Variants in CMIP observed in about 807,000 individuals in gnomAD.
The protein encoded by CMIP is c-Maf inducing protein.
In CMIP, 13 loss-of-function variants were observed where a neutral mutation model predicts 97.3. The observed-to-expected ratio is 0.13, with a 90% CI of 0.09 to 0.21. The LOEUF is 0.21. CMIP is among the 10% of genes least tolerant of loss of function. CMIP has a pLI of 1.00. For missense variants in CMIP, 847 were observed against 1,024.9 expected (o/e 0.83, Z 2.37); for synonymous variants, 538 against 436.3 (o/e 1.23, Z -2.91).
intron 2 of CMIP, 43 bp downstream of exon 2, chr16:81,607,735 C>T (rs762394750): frequency 6.2e-7 from 1 of 1,601,028 alleles, no homozygotes; most frequent in Non-Finnish European, 8.6e-7. Flanking sequence ...TCTCCCTCAT[C>T]TTCATGCACT....
At chr16:81,448,124 C>T (rs1214630473) in intron 1 of CMIP, among the ~76,000 whole-genome samples, 1 of 152,234 alleles carries the variant, frequency 6.6e-6, no homozygotes, top group East Asian at 1.9e-4. Context: ...TGGCCCAGCC[C>T]TGAGCTCCCG....
chr16:81,695,339 C>G (rs1906589224), intron 13 of CMIP: 3 of 152,350 alleles, frequency 2.0e-5, no homozygotes, highest in South Asian at 4.1e-4. Flanking sequence ...TGAATAGCAT[C>G]TCAACACTCC....
chr16:81,584,290 T>A (rs1433560533), intron 1 of CMIP, among the ~76,000 whole-genome samples: 3 of 152,204 alleles, frequency 2.0e-5, no homozygotes, highest in Non-Finnish European at 4.4e-5. Flanking sequence ...TTGAACAATG[T>A]GTCCGTAACA....
In CMIP at chr16:81,557,915, A is replaced by G. The variant is rs78615519; in HGVS notation, c.301-49652A>G. On this transcript the variant is annotated intron_variant, in intron 1 of 20. Transcript: ENST00000537098. ...TTCAGAACTCTTTTCATCTTATCAGACAGAGACTCTGTCCCTGTTAAACAC... is the reference window on the plus strand; with the variant it reads ...TTCAGAACTCTTTTCATCTTATCAGGCAGAGACTCTGTCCCTGTTAAACAC... 7.4e-4 allele frequency among the ~76,000 whole-genome samples: 113 copies of G among 152,260 alleles called. 2 individuals are homozygous for G. The East Asian group carries it at 0.021, about 29-fold the overall frequency.
At chr16:81,540,806 G>A (rs190160020) in intron 1 of CMIP, among the ~76,000 whole-genome samples, 11 of 152,144 alleles carry the variant, frequency 7.2e-5, no homozygotes, top group South Asian at 4.1e-4. Context: ...TCAGCCTCCC[G>A]AGTAGCTGGG....
chr16:81,475,986 C>CA (rs371817286), intron 1 of CMIP: 37,311 of 376,344 alleles, frequency 0.099, 9 homozygotes, highest in Middle Eastern at 0.12. Context: ...GACTCCTTCT[C>CA]AAAAAAAAAA....
At chr16:81,682,693 G>A (rs1484217689) in intron 10 of CMIP, among the ~76,000 whole-genome samples, 1 of 152,244 alleles carries the variant, frequency 6.6e-6, no homozygotes, top group African/African-American at 2.4e-5. Flanking sequence ...CAGGTCGCAG[G>A]GTGCACAGGT....
intron 1 of CMIP, among the ~76,000 whole-genome samples, chr16:81,504,030 A>G (rs1405549828): frequency 6.6e-6 from 1 of 152,210 alleles, no homozygotes; most frequent in Non-Finnish European, 1.5e-5. Context: ...CCAGTGTTAG[A>G]AAAAGGTCAG....
rs114698001 is a variant in CMIP at position 81,585,903 on chromosome 16, A to G, written c.301-21664A>G. Among the ~76,000 whole-genome samples, 649 of 152,066 alleles carry G rather than the reference A, an allele frequency of 4.3e-3. 6 individuals are homozygous for G. Among genetic ancestry groups the G allele is most frequent in the African/African-American group, 0.015 (618 of 41,466 alleles). On this transcript the variant is annotated intron_variant, in intron 1 of 20. Coordinates refer to ENST00000537098, the MANE Select transcript of CMIP (RefSeq NM_198390.3). ...TAAGAGTTGCTGCCCCTGTCGTAGC[A>G]CCTGTCTCACCAGCACTGATCACCT...
intron 11 of CMIP, among the ~76,000 whole-genome samples, chr16:81,692,283 C>T (rs1246383864): frequency 5.3e-5 from 8 of 152,254 alleles, no homozygotes; most frequent in African/African-American, 1.9e-4. Context: ...TGGAAGCGCT[C>T]TAATTACGCC....
At chr16:81,537,546 C>CAAAAAAAAAAAAA (rs397695977) in intron 1 of CMIP, among the ~76,000 whole-genome samples, 44 of 82,064 alleles carry the variant, frequency 5.4e-4, no homozygotes, top group Non-Finnish European at 6.8e-4. Flanking sequence ...AAAAAAAAGA[C>CAAAAAAAAAAAAA]AAAAAAAAAA....
intron 2 of CMIP, among the ~76,000 whole-genome samples, chr16:81,609,776 G>C (rs1371539432): frequency 6.6e-6 from 1 of 152,184 alleles, no homozygotes; most frequent in African/African-American, 2.4e-5. Context: ...GCCTGAATAT[G>C]GGGGACCTGG....
intron 1 of CMIP, among the ~76,000 whole-genome samples, chr16:81,599,032 G>C (rs2091613252): frequency 6.6e-6 from 1 of 151,174 alleles, no homozygotes; most frequent in South Asian, 2.1e-4. Flanking sequence ...GGAAGGTGCA[G>C]TGTCAAGTGT....
At chr16:81,622,027 A>T (rs549688059) in intron 3 of CMIP, 1 of 152,202 alleles carries the variant, frequency 6.6e-6, no homozygotes, top group Non-Finnish European at 1.5e-5. Context: ...CTGAGCTTCT[A>T]CTGTGTGCCA....
At chr16:81,705,385 A>G (rs1027614144) in intron 18 of CMIP, 114 bp from the exon 19 acceptor site, 4 of 720,440 alleles carry the variant, frequency 5.6e-6, no homozygotes, top group Non-Finnish European at 9.2e-6. Flanking sequence ...TTGGTGGGCC[A>G]TGGGCCTCAG....
At chr16:81,698,808 GTC>G (rs1370648018) in intron 14 of CMIP, among the ~76,000 whole-genome samples, 3 of 152,096 alleles carry the variant, frequency 2.0e-5, no homozygotes, top group Admixed American at 6.5e-5. Flanking sequence ...TTTCCTTTCT[GTC>G]TCTGAATTTC....
chr16:81,476,468 C>G, intron 1 of CMIP: 1 of 803,660 alleles, frequency 1.2e-6, no homozygotes. Context: ...GAGATGCGGC[C>G]CAAGGGCTCG....
At chr16:81,553,345 C>T (rs62046630) in intron 1 of CMIP, among the ~76,000 whole-genome samples, 29,266 of 152,134 alleles carry the variant, frequency 0.19, 2,960 homozygotes, top group East Asian at 0.25. Context: ...AAATAGGACC[C>T]AGGACCGTAT....
chr16:81,455,763 A>G (rs904906413), intron 1 of CMIP, among the ~76,000 whole-genome samples: 2 of 152,086 alleles, frequency 1.3e-5, no homozygotes, highest in African/African-American at 4.8e-5. Context: ...GCTTTCCACT[A>G]GAGACCCCTG....
Sources: gnomAD v4.1 joint callset for allele counts (sites outside exome capture counted in the v4.1 genomes callset) on GRCh38, gnomAD v4.1.1 for gene constraint, MANE v1.5 for transcripts, NCBI Gene and HGNC (gene_info 2026-07-23, HGNC 2026-07-21) for gene names.